EIF2A: variants seen among roughly 807,000 people sequenced by gnomAD.
The protein encoded by EIF2A is eukaryotic translation initiation factor 2A.
EIF2A carries 62 observed loss-of-function variants against 75.2 expected under a neutral mutation model. That is an observed-to-expected ratio of 0.82 (90% CI 0.67 to 1.02). EIF2A has a LOEUF of 1.02. EIF2A is among the 50% of genes least tolerant of loss of function. The pLI is 0.00. For synonymous variants in EIF2A, 207 were observed against 239.0 expected (o/e 0.87, Z 1.23); for missense variants, 611 against 677.7 (o/e 0.90, Z 1.09).
At chr3:150,575,865 GA>G in intron 11 of EIF2A, 103 bp downstream of exon 11, 3 of 934,286 alleles carry the variant, frequency 3.2e-6, no homozygotes, top group Non-Finnish European at 3.1e-6. Flanking sequence ...GAGGCGAGTG[GA>G]TCACTTGAGG....
intron 1 of EIF2A, chr3:150,547,067 C>A: frequency 1.7e-6 from 1 of 574,658 alleles, no homozygotes; most frequent in East Asian, 2.9e-5. Flanking sequence ...CCTGCGGATT[C>A]ATCTTCTACA....
rs763022199 is a variant in EIF2A at position 150,583,237 on chromosome 3, C to A, written c.1664C>A (p.Ala555Glu). ...KAIEQLKEQA[A>E]TGKQLEKNQL... ...ATCGAACAACTGAAAGAACAAGCAG[C>A]AACTGGAAAACAGCTAGAAAAAAAT... The change falls in exon 13 of 14, where the codon GCA becomes GAA. Residue 555 changes from alanine to glutamate, a missense_variant. Ala to Glu is a moderately radical substitution (Grantham distance 107). Transcript: ENST00000460851. 1 of 1,612,760 alleles carries A rather than the reference C, an allele frequency of 6.2e-7. No homozygotes were observed. Among genetic ancestry groups the A allele is most frequent in the Non-Finnish European group, 8.5e-7 (1 of 1,179,474 alleles).
intron 3 of EIF2A, among the ~76,000 whole-genome samples, chr3:150,559,525 G>A (rs554171464): frequency 1.0e-3 from 120 of 116,610 alleles, no homozygotes; most frequent in African/African-American, 3.4e-3. Context: ...TTTTGAGACA[G>A]GGTCTCACTC....
chr3:150,583,781 G>A (rs1359802114), intron 13 of EIF2A, 65 bp from the exon 14 acceptor site: 1 of 1,432,752 alleles, frequency 7.0e-7, no homozygotes, highest in African/African-American at 1.4e-5. Context: ...CATTTTTTCT[G>A]TATTATTTTG....
rs1283734697 is a variant in EIF2A at position 150,572,116 on chromosome 3, C to A, written c.970C>A (p.Pro324Thr). The A allele has an allele frequency of 6.2e-7, 1 of 1,613,862 alleles. No individual in the cohort carries two copies. The highest frequency in any genetic ancestry group is 2.2e-5 in the East Asian group (1 of 44,868). ...TCCTCGTAATGCAGCCTACTATAGCCCTCATGGACATATATTAGTATTAGC... is the reference window on the plus strand; with the variant it reads ...TCCTCGTAATGCAGCCTACTATAGCACTCATGGACATATATTAGTATTAGC... ...TGPRNAAYYS[P>T]HGHILVLAGF... The change falls in exon 10 of 14, where the codon CCT (proline) becomes ACT (threonine). Residue 324 changes from proline to threonine, a missense_variant. Physicochemically the swap from Pro to Thr is conservative, Grantham distance 38. Transcript: ENST00000460851.
At chr3:150,581,833 G>A in intron 12 of EIF2A, 87 bp downstream of exon 12, 2 of 1,464,564 alleles carry the variant, frequency 1.4e-6, no homozygotes, top group Non-Finnish European at 1.8e-6. Flanking sequence ...CTAAAGACAG[G>A]TATCTAAGAA....
Position 150,585,011 on chromosome 3 carries a change from TA to T in EIF2A, c.*1110del, listed in dbSNP as rs550982988. ...ATTCAAATATACATACACATACACTTAAAAAAAAAAGATGGCATATACTAAC... is the reference window on the plus strand; with the variant it reads ...ATTCAAATATACATACACATACACTTAAAAAAAAAGATGGCATATACTAAC... On this transcript the variant is annotated 3_prime_UTR_variant, in exon 14 of 14. Transcript: ENST00000460851. Among the ~76,000 whole-genome samples the T allele has an allele frequency of 2.8e-4, 42 of 149,174 alleles. No homozygotes were observed. The highest frequency in any genetic ancestry group is 4.9e-4 in the African/African-American group (20 of 40,716).
intron 5 of EIF2A, 111 bp from the exon 6 acceptor site, chr3:150,564,188 A>G (rs1724038882): frequency 1.3e-6 from 1 of 758,334 alleles, no homozygotes; most frequent in African/African-American, 1.8e-5. Context: ...AGTGTTTATA[A>G]GTGTTTTTCC....
chr3:150,549,342 C>T (rs1723206148), intron 1 of EIF2A, among the ~76,000 whole-genome samples: 1 of 152,008 alleles, frequency 6.6e-6, no homozygotes, highest in African/African-American at 2.4e-5. Flanking sequence ...CCTCAGCCTC[C>T]TGAGTAGCTG....
chr3:150,556,984 A>C (rs1723602055), intron 2 of EIF2A, among the ~76,000 whole-genome samples: 1 of 152,180 alleles, frequency 6.6e-6, no homozygotes, highest in Non-Finnish European at 1.5e-5. Context: ...AATATCTGAG[A>C]AATGAGAAAG....
At chr3:150,575,859 C>T (rs146895376) in intron 11 of EIF2A, 97 bp downstream of exon 11, 20 of 978,480 alleles carry the variant, frequency 2.0e-5, no homozygotes, top group East Asian at 1.8e-4. Context: ...GAGGCTGAGG[C>T]GAGTGGATCA....
intron 9 of EIF2A, among the ~76,000 whole-genome samples, chr3:150,571,105 A>AT (rs971355166): frequency 6.6e-6 from 1 of 152,080 alleles, no homozygotes; most frequent in African/African-American, 2.4e-5. Flanking sequence ...TCCAAGAAAT[A>AT]TAACAGAGGG....
intron 10 of EIF2A, among the ~76,000 whole-genome samples, chr3:150,575,183 T>C (rs1364161300): frequency 6.6e-6 from 1 of 152,234 alleles, no homozygotes; most frequent in African/African-American, 2.4e-5. Flanking sequence ...TTATAATCTA[T>C]TCTTGTTTTT....
chr3:150,561,220 T>TGG (rs1723835014), intron 3 of EIF2A, among the ~76,000 whole-genome samples: 1 of 152,152 alleles, frequency 6.6e-6, no homozygotes, highest in Non-Finnish European at 1.5e-5. Context: ...CACCTCAGCC[T>TGG]CCCAACATGC....
At chr3:150,552,790 A>T in intron 2 of EIF2A, 1 of 165,876 alleles carries the variant, frequency 6.0e-6, no homozygotes, top group Non-Finnish European at 1.3e-5. Context: ...AATGAAAAAG[A>T]TATTAAAAAG....
Position 150,583,924 on chromosome 3 carries a change from A to G in EIF2A, c.*13A>G, listed in dbSNP as rs751231892. 19 of 1,613,340 alleles carry G rather than the reference A, an allele frequency of 1.2e-5. No individual in the cohort carries two copies. Among genetic ancestry groups the G allele is most frequent in the Non-Finnish European group, 1.5e-5 (18 of 1,179,570 alleles). Reference sequence around the variant, plus strand: ...ATTGGGTATTTAAAGATTCACGGAAAGCAAGTTGATGACCAGAAATCAGTG... The same window carrying G: ...ATTGGGTATTTAAAGATTCACGGAAGGCAAGTTGATGACCAGAAATCAGTG... On this transcript the variant is annotated 3_prime_UTR_variant, in exon 14 of 14. Transcript: ENST00000460851.
intron 3 of EIF2A, among the ~76,000 whole-genome samples, chr3:150,562,197 C>T (rs887199055): frequency 5.9e-5 from 9 of 151,954 alleles, no homozygotes; most frequent in South Asian, 2.1e-4. Flanking sequence ...CCAAGGCGGG[C>T]GGATCACGAG....
intron 1 of EIF2A, 125 bp from the exon 2 acceptor site, chr3:150,552,231 T>G: frequency 1.3e-6 from 1 of 757,314 alleles, no homozygotes; most frequent in East Asian, 2.8e-5. Context: ...TATTCTATAG[T>G]TCAATGAAAT....
Position 150,562,663 on chromosome 3 carries a change from A to G in EIF2A, c.292+3A>G, listed in dbSNP as rs1723953065. 6.2e-7 allele frequency: 1 copy of G among 1,605,596 alleles called. No homozygotes were observed. The highest frequency in any genetic ancestry group is 1.1e-5 in the South Asian group (1 of 90,356). On this transcript the variant is annotated splice_donor_region_variant and intron_variant, in intron 4 of 13. Transcript: ENST00000460851. ...GGCAACGTGGCAGCCTTACACTAGT[A>G]AGTATTTTCTCAGTGTAAAAATACT...
Sources: allele counts gnomAD v4.1 joint callset (sites outside exome capture counted in the v4.1 genomes callset), GRCh38; gene constraint gnomAD v4.1.1; transcripts MANE v1.5; gene names NCBI Gene and HGNC (gene_info 2026-07-23, HGNC 2026-07-21).